The following KMT2B variants were observed in gnomAD, a reference collection of about 807,000 sequenced individuals.
The protein encoded by KMT2B is histone-lysine N-methyltransferase 2B.
A neutral mutation model predicts 255.3 loss-of-function variants in KMT2B; 22 were observed. The observed-to-expected ratio is 0.09, with a 90% CI of 0.06 to 0.12. The LOEUF (loss-of-function observed/expected upper bound fraction) is 0.12, where lower values mean the gene tolerates loss of function less well. Ranked by LOEUF, KMT2B falls within the 10% of genes least tolerant of loss-of-function variation. The pLI, the probability that KMT2B is intolerant of heterozygous loss-of-function variation, is 1.00. For synonymous variants in KMT2B, 1,730 were observed against 1,498.1 expected, an observed-to-expected ratio of 1.15 and a Z score of -3.57; for missense variants, 3,149 against 3,737.0, an observed-to-expected ratio of 0.84 and a Z score of 4.10.
intron 19 of KMT2B, 106 bp from the exon 20 acceptor site, chr19:35,728,666 TAG>T (rs900131179): frequency 3.9e-6 from 3 of 773,198 alleles, no homozygotes; most frequent in Non-Finnish European, 6.7e-6. Context: ...AAATTCCACA[TAG>T]AGAGGGAGTA....
At position 35,737,265 on chromosome 19, in the gene KMT2B, TGA is replaced by T; in HGVS notation, c.7550+6_7550+7del. 1 of 1,512,690 alleles carries T rather than the reference TGA, an allele frequency of 6.6e-7. No individual in the cohort carries two copies. The highest frequency in any genetic ancestry group is 8.9e-7 in the Non-Finnish European group (1 of 1,129,890). 93.7% of individuals were successfully genotyped at this position (1,512,690 alleles called of 1,614,324 possible). On this transcript the variant is annotated splice_donor_region_variant and intron_variant, in intron 33 of 36. Coordinates refer to ENST00000420124, the MANE Select transcript of KMT2B (RefSeq NM_014727.3). The surrounding 1 kb of genome is among the most constrained non-coding windows in gnomAD (Gnocchi z 5.3). ...TGCTCGGGCAGAGGTCTATCTCCGG[TGA>T]GAGGTCTGGGGTGTGATGCCTGGGT...
In KMT2B at chr19:35,733,464, G is replaced by T; in HGVS notation, c.6915G>T (p.Glu2305Asp). The T allele has an allele frequency of 6.4e-7, 1 of 1,562,926 alleles. No individual in the cohort carries two copies. Among genetic ancestry groups the T allele is most frequent in the Non-Finnish European group, 8.7e-7 (1 of 1,153,946 alleles). The change falls in exon 28 of 37, where the codon GAG (glutamate) becomes GAT (aspartate). Residue 2305 changes from glutamate (E) to aspartate (D), a missense_variant. Around this residue, in one of 18 missense-constraint regions of KMT2B, gnomAD observed 897 missense variants for 825.3 expected, o/e 1.09. Coordinates refer to ENST00000420124, the MANE Select transcript of KMT2B (RefSeq NM_014727.3). This position sits in a 1 kb window ranked among gnomAD's most constrained non-coding sequence, Gnocchi z 4.3. ...CCCCCCGGCTGGATGAAGATGGAGA[G>T]GCCTCAGAGGATACCCCTCAGGTTC... Reference protein sequence around the residue: ...YKAPRLDEDGEASEDTPQVPG... With the variant: ...YKAPRLDEDGDASEDTPQVPG...
rs866380379 is a variant in KMT2B at position 35,736,463 on chromosome 19, T to G, written c.7160-227T>G. 32 of 565,270 alleles carry G rather than the reference T, an allele frequency of 5.7e-5. No homozygotes were observed. In the Middle Eastern group the frequency reaches 1.4e-3, roughly 25 times the overall value. The allele number at this position is 565,270 out of a possible 1,614,324, so 35.0% of individuals were successfully genotyped here. A position where few individuals can be genotyped will look rare whatever the true frequency, so the allele number is the denominator to read the frequency against. On this transcript the variant is annotated intron_variant, in intron 30 of 36. Transcript: ENST00000420124. ...CCCAAGCCTCTGTGGAATGCTTTTG[T>G]ACCCAAGAAGTCCTGCAGAAGAGGA...
rs552815668 is a variant in KMT2B at position 35,720,583 on chromosome 19, A to G, written c.1236A>G (p.Ser412=). The change falls in exon 3 of 37, where the codon TCA becomes TCG. Residue 412 remains serine (S), a synonymous_variant. Transcript: ENST00000420124. ...PPPPLTPPAP[S]PPPPLPPPST... is the part of the protein sequence containing the mutation. ...CGCCTCTGACTCCTCCAGCCCCTTC[A>G]CCTCCTCCACCCCTCCCACCCCCTT... is the stretch of plus-strand genomic sequence containing the variant. 2 of 1,511,264 alleles carry G rather than the reference A, an allele frequency of 1.3e-6. No homozygotes were observed. The highest frequency in any genetic ancestry group is 2.5e-5 in the South Asian group (2 of 80,062). The allele number at this position is 1,511,264 out of a possible 1,614,324, so 93.6% of individuals were successfully genotyped here.
rs781300831 is a variant in KMT2B at position 35,733,380 on chromosome 19, C to T, written c.6831C>T (p.Arg2277=). 127 of 1,549,790 alleles carry T rather than the reference C, an allele frequency of 8.2e-5. 1 individual carries two copies. Among genetic ancestry groups the T allele is most frequent in the Admixed American group, 1.2e-4 (6 of 51,072 alleles). Residue 2277 remains arginine, a synonymous_variant, in exon 28 of 37, where the codon CGC becomes CGT. Coordinates refer to ENST00000420124, the MANE Select transcript of KMT2B (RefSeq NM_014727.3). This position sits in a 1 kb window ranked among gnomAD's most constrained non-coding sequence, Gnocchi z 4.3. ...GPASPPRQAI[R]VKRVSTFSGR... ...CCAGCCCGCCCCGCCAGGCCATCCG[C>T]GTCAAGAGGGTGTCCACTTTCTCCG... is the stretch of plus-strand genomic sequence containing the variant.
intron 2 of KMT2B, 72 bp from the exon 3 acceptor site, chr19:35,719,712 G>A: frequency 6.5e-7 from 1 of 1,533,276 alleles, no homozygotes; most frequent in South Asian, 1.3e-5. Flanking sequence ...CTTAGTCCCT[G>A]CCCTCCTGGA....
chr19:35,729,523 C>T (rs376179223), intron 22 of KMT2B, among the ~76,000 whole-genome samples: 2 of 152,142 alleles, frequency 1.3e-5, no homozygotes, highest in African/African-American at 2.4e-5. Context: ...AGAAGAGTGC[C>T]CATTGATTGA....
chr19:35,720,431 G>T lies in KMT2B; in HGVS notation c.1084G>T (p.Asp362Tyr), dbSNP rs758860377. 14 of 1,557,204 alleles carry T rather than the reference G, an allele frequency of 9.0e-6. No individual in the cohort carries two copies. The highest frequency in any genetic ancestry group is 1.2e-5 in the Non-Finnish European group (14 of 1,149,876). ...PCWKKQEQKL[D>Y]DEEEEKKEEE... Reference sequence around the variant, plus strand: ...CTGGAAAAAGCAGGAACAGAAGCTGGATGACGAGGAAGAAGAGAAGAAAGA... The same window carrying T: ...CTGGAAAAAGCAGGAACAGAAGCTGTATGACGAGGAAGAAGAGAAGAAAGA... The change falls in exon 3 of 37, where the codon GAT becomes TAT. Residue 362 changes from aspartate (D) to tyrosine (Y), a missense_variant. Asp to Tyr is a radical substitution (Grantham distance 160). Around this residue, in one of 18 missense-constraint regions of KMT2B, gnomAD observed 1,188 missense variants for 1,106.4 expected, o/e 1.07. Coordinates refer to ENST00000420124, the MANE Select transcript of KMT2B (RefSeq NM_014727.3).
At chr19:35,731,776 C>T in intron 26 of KMT2B, 132 bp from the exon 27 acceptor site, 1 of 726,712 alleles carries the variant, frequency 1.4e-6, no homozygotes, top group Middle Eastern at 2.5e-4. Flanking sequence ...TGGGTGGTCA[C>T]TGGAAACTGG....
chr19:35,719,681 G>C, intron 2 of KMT2B, 103 bp from the exon 3 acceptor site: 1 of 1,518,284 alleles, frequency 6.6e-7, no homozygotes, highest in South Asian at 1.3e-5. Flanking sequence ...TCTGGGCAGC[G>C]GGGGAAACAC....
Position 35,726,983 on chromosome 19 carries a change from CAAAAAAAAAAAAA to C in KMT2B, c.4004-164_4004-152del, listed in dbSNP as rs34515466. Among the ~76,000 whole-genome samples, 121 of 62,866 alleles carry C rather than the reference CAAAAAAAAAAAAA, an allele frequency of 1.9e-3. 2 individuals carry two copies. Among genetic ancestry groups the C allele is most frequent in the Middle Eastern group, 0.011 (1 of 88 alleles). 41.2% of individuals were successfully genotyped at this position (62,866 alleles called of 152,430 possible). A position where few individuals can be genotyped will look rare whatever the true frequency, so the allele number is the denominator to read the frequency against. ...TGGGTGACAGAGCAAGACACTGTCT[CAAAAAAAAAAAAA>C]AAAAAAAAGCCTCATCCTCAAGGAG... On this transcript the variant is annotated intron_variant, in intron 14 of 36. Transcript: ENST00000420124.
At chr19:35,722,283 A>G (rs1969248174) in intron 3 of KMT2B, 76 bp from the exon 4 acceptor site, 4 of 1,437,156 alleles carry the variant, frequency 2.8e-6, no homozygotes, top group Admixed American at 4.4e-5. Flanking sequence ...GATTACAGGC[A>G]TCAGCCACCA....
Position 35,737,164 on chromosome 19 carries a change from G to A in KMT2B, c.7451G>A (p.Arg2484His), listed in dbSNP as rs1285582819. 8 of 1,608,410 alleles carry A rather than the reference G, an allele frequency of 5.0e-6. No homozygotes were observed. The highest frequency in any genetic ancestry group is 1.7e-5 in the Admixed American group (1 of 59,152). The part of the protein sequence containing the change: ...FLAEQLPGAQ[R>H]CQHYKFRYHQ... The stretch of plus-strand genomic sequence containing the variant: ...GCCGAGCAGCTCCCCGGAGCCCAGC[G>A]TTGCCAGCACTATAAGTTCCGTTAC... Residue 2484 changes from arginine (R) to histidine (H), a missense_variant, in exon 33 of 37, where the codon CGT becomes CAT. By Grantham distance (29) the Arg-to-His change is conservative. Around this residue, in one of 18 missense-constraint regions of KMT2B, gnomAD observed 103 missense variants for 200.7 expected, o/e 0.51. Coordinates refer to ENST00000420124, the MANE Select transcript of KMT2B (RefSeq NM_014727.3). The surrounding 1 kb of genome is among the most constrained non-coding windows in gnomAD (Gnocchi z 5.3).
rs558869980 is a variant in KMT2B at position 35,730,625 on chromosome 19, T to C, written c.5276+9T>C. The stretch of plus-strand genomic sequence containing the variant: ...TTCCCCATTGGCTACCAGTGAGCGG[T>C]CGGGGTGATCCATGGGGCCAGGGGA... On this transcript the variant is annotated intron_variant, in intron 25 of 36. Transcript: ENST00000420124. The C allele has an allele frequency of 7.4e-6, 12 of 1,613,920 alleles. No homozygotes were observed. The East Asian group carries it at 2.7e-4, about 36-fold the overall frequency.
chr19:35,724,105 C>G (rs1969329026), intron 8 of KMT2B, 98 bp downstream of exon 8: 4 of 1,227,826 alleles, frequency 3.3e-6, no homozygotes, highest in South Asian at 1.5e-5. Flanking sequence ...CTCTGTCAGT[C>G]TGATAGAGAA....
In KMT2B at chr19:35,721,001, C is replaced by T. The variant is rs1230945736; in HGVS notation, c.1654C>T (p.Pro552Ser). 4 of 1,610,434 alleles carry T rather than the reference C, an allele frequency of 2.5e-6. No individual in the cohort carries two copies. Among genetic ancestry groups the T allele is most frequent in the Non-Finnish European group, 2.5e-6 (3 of 1,178,722 alleles). Residue 552 changes from proline to serine, a missense_variant, in exon 3 of 37, where the codon CCC becomes TCC. Coordinates refer to ENST00000420124, the MANE Select transcript of KMT2B (RefSeq NM_014727.3). ...TPRRFMDEDPPKPPKVEVSPV... is the reference protein window; with the variant it reads ...TPRRFMDEDPSKPPKVEVSPV... ...CCGGCGATTTATGGATGAAGACCCC[C>T]CCAAACCCCCAAAGGTGGAGGTCTC...
rs372447793 is a variant in KMT2B at position 35,721,681 on chromosome 19, G to A, written c.2334G>A (p.Ala778=). The change falls in exon 3 of 37, where the codon GCG becomes GCA. Residue 778 remains alanine, a synonymous_variant. Transcript: ENST00000420124. ...CTCCCCTGGAAAAAGCCCGGATTGC[G>A]GGCGTGGGTTCCTTGCCGCTGTCTG... The part of the protein sequence containing the change: ...QMPPLEKARI[A]GVGSLPLSGV... 57 of 1,611,442 alleles carry A rather than the reference G, an allele frequency of 3.5e-5. No individual in the cohort carries two copies. The highest frequency in any genetic ancestry group is 2.0e-4 in the African/African-American group (15 of 74,876).
At chr19:35,734,102 A>G (rs1969830343) in intron 30 of KMT2B, among the ~76,000 whole-genome samples, 1 of 152,182 alleles carries the variant, frequency 6.6e-6, no homozygotes, top group Non-Finnish European at 1.5e-5. Context: ...GTCTTTGTCC[A>G]GCATGCCCAA....
chr19:35,722,056 G>A (rs1366499127), intron 3 of KMT2B, among the ~76,000 whole-genome samples: 1 of 149,880 alleles, frequency 6.7e-6, no homozygotes, highest in Non-Finnish European at 1.5e-5. Flanking sequence ...CCAGGCTGGA[G>A]TGCAGTGGCG....
Sources: gnomAD v4.1 joint callset for allele counts (sites outside exome capture counted in the v4.1 genomes callset) on GRCh38, gnomAD v4.1.1 for gene constraint, gnomAD v4.1.1 regional missense constraint, Gnocchi (gnomAD v3.1) non-coding constraint, MANE v1.5 for transcripts, NCBI Gene and HGNC (gene_info 2026-07-23, HGNC 2026-07-21) for gene names.